Variants in C1RL observed in about 807,000 individuals in gnomAD.
C1RL encodes complement C1r subcomponent-like protein.
A neutral mutation model predicts 27.9 loss-of-function variants in C1RL; 27 were observed. The observed-to-expected ratio is 0.97, with a 90% CI of 0.71 to 1.33. C1RL has a LOEUF of 1.33. C1RL is among the 40% of genes most tolerant of loss of function. C1RL has a pLI of 0.00. For missense variants in C1RL, 563 were observed against 623.9 expected (o/e 0.90, Z 1.04); for synonymous variants, 248 against 252.1 (o/e 0.98, Z 0.15).
chr12:7,099,840 G>A (rs1346553971), intron 4 of C1RL, 61 bp downstream of exon 4: 1 of 1,612,914 alleles, frequency 6.2e-7, no homozygotes, highest in Non-Finnish European at 8.5e-7. Flanking sequence ...CTCAGAGGGT[G>A]TCAGGCATTT....
chr12:7,098,098 T>C (rs1938506758), intron 5 of C1RL, among the ~76,000 whole-genome samples: 1 of 149,974 alleles, frequency 6.7e-6, no homozygotes, highest in East Asian at 2.1e-4. Flanking sequence ...AAACCCCGTC[T>C]CTACTAAAAA....
Position 7,108,988 on chromosome 12 carries a change from TGGG to T in C1RL, c.71+119_71+121del, listed in dbSNP as rs1158893295. On this transcript the variant is annotated intron_variant, in intron 1 of 5. Coordinates refer to ENST00000266542, the MANE Select transcript of C1RL (RefSeq NM_016546.4). Reference sequence around the variant, plus strand: ...GGAGGTGTGTGTGTGTGTGTGTGTGTGGGGGGGGGGGGGATGTGTGTGTGGGGG... The same window carrying T: ...GGAGGTGTGTGTGTGTGTGTGTGTGTGGGGGGGGGGATGTGTGTGTGGGGG... The T allele has an allele frequency of 5.3e-3, 584 of 109,304 alleles. 3 individuals carry two copies. The highest frequency in any genetic ancestry group is 0.025 in the African/African-American group (113 of 4,488). The allele number at this position is 109,304 out of a possible 1,614,324, so 6.8% of individuals were successfully genotyped here.
chr12:7,095,157 G>C lies in C1RL; in HGVS notation c.*1234C>G, dbSNP rs1341240480. 3 of 1,209,622 alleles carry C rather than the reference G, an allele frequency of 2.5e-6. No homozygotes were observed. The highest frequency in any genetic ancestry group is 3.3e-5 in the African/African-American group (2 of 60,992). The allele number at this position is 1,209,622 out of a possible 1,614,324, so 74.9% of individuals were successfully genotyped here. On this transcript the variant is annotated 3_prime_UTR_variant, in exon 6 of 6. Coordinates refer to ENST00000266542, the MANE Select transcript of C1RL (RefSeq NM_016546.4). ...GGGGGGATGAAGTCTTGGTCTGTCCGCAGGCTGGAGTGCAGTGGCGTGATC... is the reference window on the plus strand; with the variant it reads ...GGGGGGATGAAGTCTTGGTCTGTCCCCAGGCTGGAGTGCAGTGGCGTGATC...
At chr12:7,099,659 G>GA in intron 5 of C1RL, 27 bp downstream of exon 5, 2 of 1,550,394 alleles carry the variant, frequency 1.3e-6, no homozygotes, top group Admixed American at 3.9e-5. Flanking sequence ...CTTGTTGGGG[G>GA]AATGGTGCTA....
At position 7,108,989 on chromosome 12, in the gene C1RL, G is replaced by GTGTGTGTGTGT. The variant is rs753757831; in HGVS notation, c.71+120_71+121insACACACACACA. 1.9e-3 allele frequency: 132 copies of GTGTGTGTGTGT among 70,178 alleles called. 2 individuals are homozygous for GTGTGTGTGTGT. The highest frequency in any genetic ancestry group is 2.8e-3 in the Non-Finnish European group (111 of 39,766). The allele number at this position is 70,178 out of a possible 1,614,324, so 4.3% of individuals were successfully genotyped here. ...GAGGTGTGTGTGTGTGTGTGTGTGT[G>GTGTGTGTGTGT]GGGGGGGGGGGGATGTGTGTGTGGG... On this transcript the variant is annotated intron_variant, in intron 1 of 5. Coordinates refer to ENST00000266542, the MANE Select transcript of C1RL (RefSeq NM_016546.4).
At position 7,108,825 on chromosome 12, in the gene C1RL, T is replaced by C. The variant is rs1037924138; in HGVS notation, c.71+285A>G. 5 of 546,718 alleles carry C rather than the reference T, an allele frequency of 9.1e-6. No homozygotes were observed. The African/African-American group carries it at 9.6e-5, about 10-fold the overall frequency. 33.9% of individuals were successfully genotyped at this position (546,718 alleles called of 1,614,324 possible). A position where few individuals can be genotyped will look rare whatever the true frequency, so the allele number is the denominator to read the frequency against. ...ACCCTGGGATCCGAGGGAGCAATGGTGGGGCGAGTGAGGGTCTGCCGTAAA... is the reference window on the plus strand; with the variant it reads ...ACCCTGGGATCCGAGGGAGCAATGGCGGGGCGAGTGAGGGTCTGCCGTAAA... On this transcript the variant is annotated intron_variant, in intron 1 of 5. Transcript: ENST00000266542.
At chr12:7,108,550 G>A (rs745890228) in intron 1 of C1RL, 71 bp from the exon 2 acceptor site, 26 of 1,294,184 alleles carry the variant, frequency 2.0e-5, no homozygotes, top group East Asian at 7.3e-5. Flanking sequence ...TGGGAGGAGC[G>A]GGGGAGCCGC....
In C1RL at chr12:7,096,834, C is replaced by T. The variant is rs760167194; in HGVS notation, c.1021G>A (p.Ala341Thr). The T allele has an allele frequency of 2.5e-6, 4 of 1,603,422 alleles. No individual in the cohort carries two copies. Among genetic ancestry groups the T allele is most frequent in the South Asian group, 2.2e-5 (2 of 89,250 alleles). The change falls in exon 6 of 6, where the codon GCC becomes ACC. Residue 341 changes from alanine to threonine, a missense_variant. Physicochemically the swap from Ala to Thr is moderately conservative, Grantham distance 58 (BLOSUM62 0). Coordinates refer to ENST00000266542, the MANE Select transcript of C1RL (RefSeq NM_016546.4). The part of the protein sequence containing the change: ...NESHNFSGDI[A>T]LLELQHSIPL... ...ATGCTGTGCTGCAGCTCCAGGAGGG[C>T]GATGTCCCCGCTAAAGTTATGGGAC...
In C1RL at chr12:7,096,994, G is replaced by C. The variant is rs779732196; in HGVS notation, c.861C>G (p.Pro287=). 20 of 1,614,054 alleles carry C rather than the reference G, an allele frequency of 1.2e-5. No homozygotes were observed. Among genetic ancestry groups the C allele is most frequent in the Non-Finnish European group, 1.7e-5 (20 of 1,180,024 alleles). ...WILTAAHTIY[P]KDSVSLRKNQ... ...TCTTCCTGAGAGAAACACTGTCCTT[G>C]GGGTAGATGGTGTGGGCAGCAGTGA... Residue 287 remains proline (P), a synonymous_variant, in exon 6 of 6, where the codon CCC becomes CCG. Coordinates refer to ENST00000266542, the MANE Select transcript of C1RL (RefSeq NM_016546.4).
At chr12:7,108,989 G>GT (rs753757831) in intron 1 of C1RL, 121 bp downstream of exon 1, 24,798 of 65,704 alleles carry the variant, frequency 0.38, 1,093 homozygotes, top group South Asian at 0.44. Flanking sequence ...GTGTGTGTGT[G>GT]GGGGGGGGGG....
chr12:7,096,752 C>T lies in C1RL; in HGVS notation c.1103G>A (p.Arg368His), dbSNP rs771566519. 1.2e-5 allele frequency: 20 copies of T among 1,609,830 alleles called. No homozygotes were observed. Among genetic ancestry groups the T allele is most frequent in the South Asian group, 1.1e-5 (1 of 90,436 alleles). Residue 368 changes from arginine to histidine, a missense_variant, in exon 6 of 6, where the codon CGC becomes CAC. By Grantham distance (29) the Arg-to-His change is conservative. Coordinates refer to ENST00000266542, the MANE Select transcript of C1RL (RefSeq NM_016546.4). ...ACTGACGTAGCCCAACAAGCCGCTGCGGTAGAGGGTCTCATTATCGGGCAG... is the reference window on the plus strand; with the variant it reads ...ACTGACGTAGCCCAACAAGCCGCTGTGGTAGAGGGTCTCATTATCGGGCAG... ...VCLPDNETLYRSGLLGYVSGF... is the reference protein window; with the variant it reads ...VCLPDNETLYHSGLLGYVSGF...
At chr12:7,097,354 C>G in intron 5 of C1RL, 191 bp from the exon 6 acceptor site, 1 of 551,596 alleles carries the variant, frequency 1.8e-6, no homozygotes, top group Non-Finnish European at 3.1e-6. Flanking sequence ...GCGATCTCGG[C>G]TCACTGCAAC....
chr12:7,108,652 TC>T, intron 1 of C1RL, 173 bp from the exon 2 acceptor site: 1 of 593,236 alleles, frequency 1.7e-6, no homozygotes, highest in Non-Finnish European at 3.0e-6. Context: ...TTGCTCCCCT[TC>T]CTCACCCCAA....
intron 2 of C1RL, among the ~76,000 whole-genome samples, chr12:7,103,481 T>C (rs6487290): frequency 0.64 from 98,074 of 152,132 alleles, 32,080 homozygotes; most frequent in African/African-American, 0.74. Context: ...TTCCAGAGTC[T>C]GCACTAAGAG....
Position 7,108,451 on chromosome 12 carries a change from G to A in C1RL, c.100C>T (p.Gln34Ter). Reference sequence around the variant, plus strand: ...ACGGAGCCCCGGGTTGGGCAAGCCTGGAGGACTCCCCAGAGAAGCAGCCAC... The same window carrying A: ...ACGGAGCCCCGGGTTGGGCAAGCCTAGAGGACTCCCCAGAGAAGCAGCCAC... Reference protein sequence around the residue: ...MWWLLLWGVLQACPTRGSVLL... With the variant: ...MWWLLLWGVL The change falls in exon 2 of 6, where the codon CAG becomes TAG. Residue 34 changes from glutamine (Q) to a stop codon, truncating the protein, a stop_gained. Coordinates refer to ENST00000266542, the MANE Select transcript of C1RL (RefSeq NM_016546.4). LOFTEE classifies it high-confidence loss of function. 6.2e-7 allele frequency: 1 copy of A among 1,609,066 alleles called. No homozygotes were observed. The highest frequency in any genetic ancestry group is 8.5e-7 in the Non-Finnish European group (1 of 1,176,960).
Position 7,104,165 on chromosome 12 carries a change from G to A in C1RL, c.301-2078C>T, listed in dbSNP as rs1201613047. Among the ~76,000 whole-genome samples the A allele has an allele frequency of 6.6e-6, 1 of 152,152 alleles. No homozygotes were observed. The highest frequency in any genetic ancestry group is 1.5e-5 in the Non-Finnish European group (1 of 68,028). On this transcript the variant is annotated intron_variant, in intron 2 of 5. Transcript: ENST00000266542. The surrounding 1 kb of genome is among the most constrained non-coding windows in gnomAD (Gnocchi z 5.4). ...AAGCAGGTTCTCATCACAGAACCAGGGGAAGTTTTAAAAATTGGGGGAATC... is the reference window on the plus strand; with the variant it reads ...AAGCAGGTTCTCATCACAGAACCAGAGGAAGTTTTAAAAATTGGGGGAATC...
intron 2 of C1RL, among the ~76,000 whole-genome samples, chr12:7,106,206 G>T (rs61917914): frequency 0.081 from 12,387 of 152,014 alleles, 559 homozygotes; most frequent in South Asian, 0.18. Context: ...AATGATAAGG[G>T]CATCAAACTT....
intron 3 of C1RL, among the ~76,000 whole-genome samples, chr12:7,100,714 G>A (rs1005960888): frequency 1.3e-5 from 2 of 152,124 alleles, no homozygotes; most frequent in Admixed American, 1.3e-4. Context: ...TTGAACCCAG[G>A]AGGCAGAGGT....
rs1938409545 is a variant in C1RL, at chr12:7,095,858, G to C, written c.*533C>G. ...AAGTGAAATAACAGGTGAAGCACCT[G>C]GCATATAGAGGACATAAAATAAAAA... On this transcript the variant is annotated 3_prime_UTR_variant, in exon 6 of 6. Transcript: ENST00000266542. The C allele has an allele frequency of 8.0e-6, 7 of 877,068 alleles. No individual in the cohort carries two copies. Among genetic ancestry groups the C allele is most frequent in the Non-Finnish European group, 9.6e-6 (7 of 731,314 alleles). 54.3% of individuals were successfully genotyped at this position (877,068 alleles called of 1,614,324 possible).
Sources: gnomAD v4.1 joint callset for allele counts (sites outside exome capture counted in the v4.1 genomes callset) on GRCh38, gnomAD v4.1.1 for gene constraint, Gnocchi (gnomAD v3.1) non-coding constraint, MANE v1.5 for transcripts, NCBI Gene and HGNC (gene_info 2026-07-23, HGNC 2026-07-21) for gene names.